The following KIF26B variants were observed in gnomAD, a reference collection of about 807,000 sequenced individuals.
KIF26B encodes kinesin-like protein KIF26B.
A neutral mutation model predicts 151.2 loss-of-function variants in KIF26B; 63 were observed. The ratio of observed to expected loss-of-function variants is 0.42; its 90% confidence interval spans 0.34 to 0.51. KIF26B has a LOEUF of 0.51. Among genes scored for constraint, KIF26B ranks in the 20% least tolerant of loss-of-function variants. The pLI, the probability that KIF26B is intolerant of heterozygous loss-of-function variation, is 0.07. For missense variants in KIF26B, 2,813 were observed against 2,913.6 expected (o/e 0.97, Z 0.79); for synonymous variants, 1,357 against 1,262.1 (o/e 1.08, Z -1.59).
intron 3 of KIF26B, among the ~76,000 whole-genome samples, chr1:245,379,819 A>G (rs1673362714): frequency 6.6e-6 from 1 of 152,056 alleles, no homozygotes; most frequent in Non-Finnish European, 1.5e-5. Flanking sequence ...AAAATCACAA[A>G]AATTAGCCAG....
intron 5 of KIF26B, among the ~76,000 whole-genome samples, chr1:245,545,291 G>A (rs1308377335): frequency 2.0e-5 from 3 of 152,104 alleles, no homozygotes; most frequent in East Asian, 1.9e-4. Context: ...TAGTAGAGAC[G>A]GGGTTTCTCC....
intron 4 of KIF26B, among the ~76,000 whole-genome samples, chr1:245,464,510 T>C (rs1659727149): frequency 6.8e-6 from 1 of 148,004 alleles, no homozygotes; most frequent in South Asian, 2.1e-4. Context: ...GGCGTGTGCA[T>C]GTGTGGATGT....
chr1:245,202,588 G>T (rs1457202774), intron 2 of KIF26B, among the ~76,000 whole-genome samples: 1 of 151,932 alleles, frequency 6.6e-6, no homozygotes, highest in South Asian at 2.1e-4. Context: ...GTGAAACCGC[G>T]TCTTTACTAA....
At chr1:245,482,278 C>G (rs763407264) in intron 4 of KIF26B, among the ~76,000 whole-genome samples, 10 of 150,886 alleles carry the variant, frequency 6.6e-5, no homozygotes, top group African/African-American at 2.4e-4. Context: ...TTTTAGTAGA[C>G]GGGGTTTCAC....
chr1:245,221,213 G>T (rs1351279796), intron 2 of KIF26B, among the ~76,000 whole-genome samples: 2 of 151,970 alleles, frequency 1.3e-5, no homozygotes, highest in Non-Finnish European at 2.9e-5. Context: ...GCAAACAGGG[G>T]AGCTAATGTC....
intron 4 of KIF26B, among the ~76,000 whole-genome samples, chr1:245,467,125 A>G (rs1033361935): frequency 1.3e-5 from 2 of 152,146 alleles, no homozygotes; most frequent in Non-Finnish European, 2.9e-5. Flanking sequence ...GAAGTCAGGG[A>G]GCTTTGGACT....
At chr1:245,585,676 A>C (rs1327676304) in intron 5 of KIF26B, among the ~76,000 whole-genome samples, 1 of 152,250 alleles carries the variant, frequency 6.6e-6, no homozygotes, top group African/African-American at 2.4e-5. Context: ...GAGAGTTCCG[A>C]AGCAGATCTG....
chr1:245,310,759 G>C (rs913248332), intron 2 of KIF26B, among the ~76,000 whole-genome samples: 2 of 152,200 alleles, frequency 1.3e-5, no homozygotes, highest in Non-Finnish European at 2.9e-5. Context: ...TGGGGAGAGA[G>C]CCCAGGGGAG....
intron 4 of KIF26B, among the ~76,000 whole-genome samples, chr1:245,502,993 C>T (rs985593438): frequency 2.0e-5 from 3 of 151,952 alleles, no homozygotes; most frequent in Non-Finnish European, 2.9e-5. Context: ...TCCCGAGTAG[C>T]TGGGATTACA....
chr1:245,242,787 G>T (rs549031007), intron 2 of KIF26B, among the ~76,000 whole-genome samples: 1 of 152,210 alleles, frequency 6.6e-6, no homozygotes, highest in Admixed American at 6.5e-5. Flanking sequence ...GAGTAGCTGG[G>T]ATTACAGGCA....
rs1025803643 is a variant in KIF26B at position 245,332,790 on chromosome 1, G to T, written c.466-34044G>T. ...GGCTCATAAGTTTCCAGTCTTTGGG[G>T]TATCTGTGGCTTTTATGTCATCTCA... On this transcript the variant is annotated intron_variant, in intron 2 of 14. Coordinates refer to ENST00000407071, the MANE Select transcript of KIF26B (RefSeq NM_018012.4). 3.9e-5 allele frequency among the ~76,000 whole-genome samples: 6 copies of T among 152,190 alleles called. No homozygotes were observed. The East Asian group carries it at 9.6e-4, about 24-fold the overall frequency.
chr1:245,329,077 T>A (rs1263075426), intron 2 of KIF26B, among the ~76,000 whole-genome samples: 2 of 152,230 alleles, frequency 1.3e-5, no homozygotes, highest in East Asian at 3.8e-4. Flanking sequence ...ACCAGCTGAA[T>A]TCACAGGCTC....
intron 2 of KIF26B, among the ~76,000 whole-genome samples, chr1:245,326,810 A>C (rs946281861): frequency 9.9e-5 from 15 of 152,200 alleles, no homozygotes; most frequent in African/African-American, 2.9e-4. Flanking sequence ...TATAACTGTG[A>C]AATATCATAG....
At chr1:245,378,921 G>A (rs1673337886) in intron 3 of KIF26B, among the ~76,000 whole-genome samples, 1 of 152,194 alleles carries the variant, frequency 6.6e-6, no homozygotes, top group Non-Finnish European at 1.5e-5. Context: ...TCATGTGAGA[G>A]GGCGTGTTTT....
At chr1:245,165,710 C>A (rs1668604682) in intron 2 of KIF26B, among the ~76,000 whole-genome samples, 1 of 152,068 alleles carries the variant, frequency 6.6e-6, no homozygotes, top group South Asian at 2.1e-4. Flanking sequence ...GATGAAAAAC[C>A]AGGAGAAGAC....
rs145851394 is a variant in KIF26B at position 245,685,794 on chromosome 1, C to T, written c.2811C>T (p.Asp937=). 1.3e-4 allele frequency: 202 copies of T among 1,610,024 alleles called. No individual in the cohort carries two copies. Among genetic ancestry groups the T allele is most frequent in the Non-Finnish European group, 1.6e-4 (186 of 1,177,682 alleles). ...AELQERLDCI[D]GSEEPSSFPF... is the part of the protein sequence containing the mutation. ...TGCAGGAGAGGCTGGACTGCATCGA[C>T]GGCAGCGAGGAGCCCAGCAGCTTTC... is the stretch of plus-strand genomic sequence containing the variant. The change falls in exon 12 of 15, where the codon GAC becomes GAT. Residue 937 remains aspartate (D), a synonymous_variant. Transcript: ENST00000407071.
chr1:245,490,553 C>T (rs573128892), intron 4 of KIF26B, among the ~76,000 whole-genome samples: 3 of 152,208 alleles, frequency 2.0e-5, no homozygotes, highest in Admixed American at 6.5e-5. Context: ...CCTCGTGATC[C>T]ACCCACCTCA....
chr1:245,307,746 T>C (rs1391797815), intron 2 of KIF26B, among the ~76,000 whole-genome samples: 4 of 149,374 alleles, frequency 2.7e-5, no homozygotes, highest in East Asian at 3.9e-4. Context: ...CTCTCTCTTT[T>C]TTTTTTTTTT....
At chr1:245,290,677 C>T (rs965653884) in intron 2 of KIF26B, among the ~76,000 whole-genome samples, 4 of 152,178 alleles carry the variant, frequency 2.6e-5, no homozygotes, top group Non-Finnish European at 4.4e-5. Context: ...TGTTTATGAC[C>T]TGTATCTTGT....
Sources: gnomAD v4.1 joint callset for allele counts (sites outside exome capture counted in the v4.1 genomes callset) on GRCh38, gnomAD v4.1.1 for gene constraint, MANE v1.5 for transcripts, NCBI Gene and HGNC (gene_info 2026-07-23, HGNC 2026-07-21) for gene names.